ITGB8: variants seen among roughly 807,000 people sequenced by gnomAD.
ITGB8 encodes integrin beta-8.
In ITGB8, 30 loss-of-function variants were observed where a neutral mutation model predicts 89.5. That is an observed-to-expected ratio of 0.34 (90% CI 0.25 to 0.45). The LOEUF (loss-of-function observed/expected upper bound fraction) is 0.45, where lower values mean the gene tolerates loss of function less well. ITGB8 is among the 20% of genes least tolerant of loss of function. ITGB8 has a pLI of 1.00. For synonymous variants in ITGB8, 335 were observed against 320.4 expected, an observed-to-expected ratio of 1.05 and a Z score of -0.49; for missense variants, 836 against 933.3, an observed-to-expected ratio of 0.90 and a Z score of 1.36.
At position 20,413,079 on chromosome 7, in the gene ITGB8, G is replaced by A. The variant is rs1212659773; in HGVS notation, c.*3082G>A. 6.6e-6 allele frequency: 1 copy of A among 151,856 alleles called. No individual in the cohort carries two copies. The highest frequency in any genetic ancestry group is 1.5e-5 in the Non-Finnish European group (1 of 67,942). The allele number at this position is 151,856 out of a possible 1,614,324, so 9.4% of individuals were successfully genotyped here. On this transcript the variant is annotated 3_prime_UTR_variant, in exon 14 of 14. Transcript: ENST00000222573. ...TTTGTTATGCATTTTATTTCTCTGG[G>A]GACACCATTGCACTGCAGTGCACAC...
At chr7:20,333,788 C>A (rs1245100641) in intron 1 of ITGB8, among the ~76,000 whole-genome samples, 3 of 152,148 alleles carry the variant, frequency 2.0e-5, no homozygotes, top group South Asian at 2.1e-4. Context: ...CTGATGTATA[C>A]TGATTTGCAT....
chr7:20,397,249 G>A (rs1440559217), intron 8 of ITGB8, among the ~76,000 whole-genome samples: 1 of 148,346 alleles, frequency 6.7e-6, no homozygotes, highest in African/African-American at 2.5e-5. Flanking sequence ...TTTTTAGATG[G>A]AATTTTACTC....
At position 20,331,909 on chromosome 7, in the gene ITGB8, C is replaced by G. The variant is rs1333830210; in HGVS notation, c.103C>G (p.Leu35Val). ...SFLWAAWVFS[L>V]VLGLGQGEDN... ...CCTCTGGGCAGCCTGGGTGTTTTCA[C>G]TTGTTCTTGGACTGGGCCAAGGTGG... Residue 35 changes from leucine to valine, a missense_variant, in exon 1 of 14, where the codon CTT (leucine) becomes GTT (valine). Around this residue, in one of 5 missense-constraint regions of ITGB8, gnomAD observed 182 missense variants for 177.0 expected, o/e 1.03. Transcript: ENST00000222573. 2 of 1,614,084 alleles carry G rather than the reference C, an allele frequency of 1.2e-6. No homozygotes were observed. The highest frequency in any genetic ancestry group is 2.7e-5 in the African/African-American group (2 of 74,944).
intron 1 of ITGB8, among the ~76,000 whole-genome samples, chr7:20,333,144 T>G (rs1200206188): frequency 6.6e-6 from 1 of 152,146 alleles, no homozygotes; most frequent in Non-Finnish European, 1.5e-5. Flanking sequence ...GTTTTATATA[T>G]ATAGATATAG....
intron 1 of ITGB8, among the ~76,000 whole-genome samples, chr7:20,342,458 A>C (rs1291329294): frequency 1.3e-5 from 2 of 152,184 alleles, no homozygotes; most frequent in Non-Finnish European, 2.9e-5. Flanking sequence ...TAGGCCTCTA[A>C]GGATGCTGTA....
At chr7:20,385,245 T>C (rs1786561250) in intron 6 of ITGB8, among the ~76,000 whole-genome samples, 1 of 152,228 alleles carries the variant, frequency 6.6e-6, no homozygotes, top group African/African-American at 2.4e-5. Context: ...CAATGAACCT[T>C]ATCAATGGGA....
At chr7:20,356,191 A>G (rs1212123809) in intron 1 of ITGB8, among the ~76,000 whole-genome samples, 1 of 152,198 alleles carries the variant, frequency 6.6e-6, no homozygotes, top group Non-Finnish European at 1.5e-5. Flanking sequence ...AGTAGGCCTA[A>G]GCACCTACTC....
chr7:20,394,853 C>T (rs779092731), intron 7 of ITGB8, 43 bp from the exon 8 acceptor site: 1 of 1,313,996 alleles, frequency 7.6e-7, no homozygotes, highest in South Asian at 1.2e-5. Context: ...TAACCCATTA[C>T]ATACTATTGT....
chr7:20,400,599 T>A (rs1255836745), intron 9 of ITGB8, among the ~76,000 whole-genome samples: 1 of 152,190 alleles, frequency 6.6e-6, no homozygotes, highest in Non-Finnish European at 1.5e-5. Context: ...TATACCTTCT[T>A]ATTTACCAAA....
chr7:20,380,056 C>G (rs900820837), intron 4 of ITGB8: 4 of 152,274 alleles, frequency 2.6e-5, no homozygotes, highest in Non-Finnish European at 4.4e-5. Context: ...TCCAATTTAC[C>G]GAAACAGCTC....
chr7:20,332,737 G>A (rs1016635610), intron 1 of ITGB8, among the ~76,000 whole-genome samples: 2 of 152,212 alleles, frequency 1.3e-5, no homozygotes, highest in African/African-American at 4.8e-5. Context: ...AATAGCATAT[G>A]AGAAGGTGTT....
chr7:20,370,256 A>G (rs975640036), intron 3 of ITGB8, among the ~76,000 whole-genome samples: 4 of 151,728 alleles, frequency 2.6e-5, no homozygotes, highest in Non-Finnish European at 5.9e-5. Context: ...TATGTAAACC[A>G]TAATTATAGA....
At chr7:20,408,598 T>A (rs1416746529) in intron 12 of ITGB8, among the ~76,000 whole-genome samples, 1 of 152,128 alleles carries the variant, frequency 6.6e-6, no homozygotes, top group Non-Finnish European at 1.5e-5. Context: ...TGGATGAGGT[T>A]CCCAAACTCT....
intron 1 of ITGB8, among the ~76,000 whole-genome samples, chr7:20,332,757 T>C (rs564442688): frequency 1.4e-3 from 213 of 152,350 alleles, no homozygotes; most frequent in African/African-American, 4.5e-3. Context: ...TTTAGGACTT[T>C]TGATTTATGA....
intron 1 of ITGB8, among the ~76,000 whole-genome samples, chr7:20,332,361 A>C (rs1439062154): frequency 6.6e-6 from 1 of 152,172 alleles, no homozygotes; most frequent in Admixed American, 6.5e-5. Flanking sequence ...AGTTGGTTAT[A>C]ATGGGAGTAG....
chr7:20,386,675 T>C (rs2127968122), intron 6 of ITGB8, among the ~76,000 whole-genome samples: 1 of 152,224 alleles, frequency 6.6e-6, no homozygotes, highest in East Asian at 1.9e-4. Flanking sequence ...TTGTTTTAAT[T>C]GAAAGCAAAA....
chr7:20,385,642 T>G (rs996902393), intron 6 of ITGB8, among the ~76,000 whole-genome samples: 6 of 152,228 alleles, frequency 3.9e-5, no homozygotes, highest in Non-Finnish European at 5.9e-5. Context: ...CCTCTCCTCA[T>G]GCAACTTTAA....
At chr7:20,364,642 G>A (rs1785624842) in intron 2 of ITGB8, 1 of 152,230 alleles carries the variant, frequency 6.6e-6, no homozygotes, top group East Asian at 1.9e-4. Context: ...GAGAAAACCA[G>A]ATGTCATTCA....
intron 7 of ITGB8, among the ~76,000 whole-genome samples, chr7:20,392,705 A>G (rs1786913132): frequency 6.6e-6 from 1 of 152,174 alleles, no homozygotes; most frequent in African/African-American, 2.4e-5. Flanking sequence ...AGTCTCCATT[A>G]TCTATCATTC....
Sources: gnomAD v4.1 joint callset for allele counts (sites outside exome capture counted in the v4.1 genomes callset) on GRCh38, gnomAD v4.1.1 for gene constraint, gnomAD v4.1.1 regional missense constraint, MANE v1.5 for transcripts, NCBI Gene and HGNC (gene_info 2026-07-23, HGNC 2026-07-21) for gene names.